Variants in NOL4L observed in about 807,000 individuals in gnomAD.
The protein encoded by NOL4L is nucleolar protein 4 like, also known as nucleolar protein 4-like.
NOL4L carries 7 observed loss-of-function variants against 64.5 expected under a neutral mutation model. The ratio of observed to expected loss-of-function variants is 0.11; its 90% CI spans 0.06 to 0.20. The LOEUF is 0.20. Ranked by LOEUF, NOL4L falls within the 10% of genes least tolerant of loss-of-function variation. NOL4L has a pLI of 1.00. For synonymous variants in NOL4L, 413 were observed against 401.0 expected, an observed-to-expected ratio of 1.03 and a Z score of -0.36; for missense variants, 680 against 967.1, an observed-to-expected ratio of 0.70 and a Z score of 3.94.
chr20:32,559,138 C>T (rs1978845094), intron 1 of NOL4L, among the ~76,000 whole-genome samples: 1 of 151,962 alleles, frequency 6.6e-6, no homozygotes. Context: ...GCATCCCCCA[C>T]GGGACTACCC....
intron 4 of NOL4L, among the ~76,000 whole-genome samples, chr20:32,502,586 CA>C (rs995588690): frequency 4.0e-4 from 55 of 136,754 alleles, no homozygotes; most frequent in East Asian, 6.3e-4. Flanking sequence ...GACTCCATCT[CA>C]AAAAAAAAAA....
chr20:32,511,192 G>A (rs991402480), intron 4 of NOL4L, 155 bp downstream of exon 4: 11 of 558,140 alleles, frequency 2.0e-5, no homozygotes, highest in African/African-American at 9.5e-5. Flanking sequence ...CTTGCCTCCC[G>A]CCTCTCCGCC....
intron 1 of NOL4L, chr20:32,536,149 A>G (rs1344107921): frequency 2.0e-6 from 2 of 985,538 alleles, no homozygotes; most frequent in African/African-American, 3.5e-5. Flanking sequence ...CACCCGCCCT[A>G]GAAGACACCC....
intron 6 of NOL4L, among the ~76,000 whole-genome samples, chr20:32,455,454 G>A (rs1288004983): frequency 1.3e-5 from 2 of 152,216 alleles, no homozygotes; most frequent in Non-Finnish European, 2.9e-5. Flanking sequence ...GCCCAGAGAG[G>A]GAGAAGAGCC....
chr20:32,581,099 CTTG>C (rs1980443366), intron 1 of NOL4L, among the ~76,000 whole-genome samples: 1 of 152,196 alleles, frequency 6.6e-6, no homozygotes, highest in Non-Finnish European at 1.5e-5. Context: ...CCAGCTGGCT[CTTG>C]TCATAAAGAG....
chr20:32,564,458 C>A (rs1979294444), intron 1 of NOL4L, among the ~76,000 whole-genome samples: 1 of 152,184 alleles, frequency 6.6e-6, no homozygotes, highest in African/African-American at 2.4e-5. Context: ...ATGAAGGAGC[C>A]AGGATTAGAA....
At chr20:32,514,815 C>T (rs1199087539) in intron 3 of NOL4L, among the ~76,000 whole-genome samples, 1 of 152,068 alleles carries the variant, frequency 6.6e-6, no homozygotes, top group Non-Finnish European at 1.5e-5. Context: ...GATGTTTGGA[C>T]TGAGAATTCT....
chr20:32,532,678 T>C (rs1305816489), intron 1 of NOL4L, among the ~76,000 whole-genome samples: 1 of 152,196 alleles, frequency 6.6e-6, no homozygotes, highest in Non-Finnish European at 1.5e-5. Context: ...TCCATTGCCC[T>C]AAGCAAACTG....
intron 4 of NOL4L, among the ~76,000 whole-genome samples, chr20:32,483,800 G>A (rs1207746063): frequency 7.2e-6 from 1 of 138,236 alleles, no homozygotes; most frequent in Non-Finnish European, 1.6e-5. Flanking sequence ...CAGGGAGAGG[G>A]GAGAGGAGAA....
intron 4 of NOL4L, among the ~76,000 whole-genome samples, chr20:32,505,963 T>C (rs1044006990): frequency 1.3e-5 from 2 of 152,182 alleles, no homozygotes; most frequent in Non-Finnish European, 2.9e-5. Flanking sequence ...AAATAGATAG[T>C]TGGTGATGGT....
chr20:32,559,495 G>A (rs758011573), intron 1 of NOL4L, among the ~76,000 whole-genome samples: 1 of 152,252 alleles, frequency 6.6e-6, no homozygotes, highest in Non-Finnish European at 1.5e-5. Context: ...ATTGCCCAGA[G>A]TTACTGGGAG....
At chr20:32,512,116 G>T (rs2017434212) in intron 3 of NOL4L, among the ~76,000 whole-genome samples, 1 of 152,120 alleles carries the variant, frequency 6.6e-6, no homozygotes, top group South Asian at 2.1e-4. Flanking sequence ...GGCCACATGG[G>T]GCCCCCACTC....
intron 9 of NOL4L, 31 bp downstream of exon 9, chr20:32,452,853 C>A (rs372537802): frequency 1.9e-6 from 3 of 1,611,350 alleles, no homozygotes; most frequent in Non-Finnish European, 1.7e-6. Flanking sequence ...TGCCCAGGAG[C>A]GGCCCCTGTA....
chr20:32,536,438 T>G (rs1379588759), intron 1 of NOL4L: 2 of 343,912 alleles, frequency 5.8e-6, no homozygotes, highest in Non-Finnish European at 7.4e-6. Flanking sequence ...CAGCGCGCGC[T>G]GGGGCCGAGC....
At chr20:32,475,926 G>C (rs1393643206) in intron 4 of NOL4L, among the ~76,000 whole-genome samples, 1 of 152,180 alleles carries the variant, frequency 6.6e-6, no homozygotes, top group Non-Finnish European at 1.5e-5. Flanking sequence ...GGCTGGGCTG[G>C]TAGGGAGTTT....
chr20:32,479,313 A>G (rs1165825130), intron 4 of NOL4L, among the ~76,000 whole-genome samples: 1 of 152,260 alleles, frequency 6.6e-6, no homozygotes, highest in Non-Finnish European at 1.5e-5. Context: ...CAGAGACCCA[A>G]GGTGCTCACT....
At chr20:32,449,201 G>A (rs572511731) in intron 10 of NOL4L, among the ~76,000 whole-genome samples, 2 of 152,362 alleles carry the variant, frequency 1.3e-5, no homozygotes, top group South Asian at 4.1e-4. Flanking sequence ...CTCTGATGCA[G>A]CCAGGTCAGC....
chr20:32,546,844 G>A (rs1344118299), intron 1 of NOL4L, among the ~76,000 whole-genome samples: 2 of 152,182 alleles, frequency 1.3e-5, no homozygotes, highest in African/African-American at 4.8e-5. Flanking sequence ...CTTGGGTCAG[G>A]AGCTCCCTGT....
chr20:32,559,780 C>T (rs186841047), intron 1 of NOL4L, among the ~76,000 whole-genome samples: 76 of 152,356 alleles, frequency 5.0e-4, no homozygotes, highest in African/African-American at 1.6e-3. Context: ...CAGTCACCTC[C>T]GAGCTGGCTG....
Sources: allele counts gnomAD v4.1 joint callset (sites outside exome capture counted in the v4.1 genomes callset), GRCh38; gene constraint gnomAD v4.1.1; transcripts MANE v1.5; gene names NCBI Gene and HGNC (gene_info 2026-07-23, HGNC 2026-07-21).